STK3: variants seen among roughly 807,000 people sequenced by gnomAD.
STK3 encodes serine/threonine kinase 3.
In STK3, 41 loss-of-function variants were observed where a neutral mutation model predicts 58.0. The observed-to-expected ratio is 0.71, with a 90% confidence interval of 0.55 to 0.92. The LOEUF is 0.92. STK3 is among the 40% of genes least tolerant of loss of function. STK3 has a pLI of 0.00. For synonymous variants in STK3, 170 were observed against 191.0 expected (o/e 0.89, Z 0.91); for missense variants, 479 against 602.7 (o/e 0.79, Z 2.15).
At chr8:98,868,998 A>AAGAGAG (rs1209772858) in intron 3 of STK3, among the ~76,000 whole-genome samples, 5 of 145,266 alleles carry the variant, frequency 3.4e-5, no homozygotes, top group Non-Finnish European at 7.5e-5. Flanking sequence ...AGAAAGAAGA[A>AAGAGAG]AGAGAGAGAG....
intron 4 of STK3, among the ~76,000 whole-genome samples, chr8:98,734,438 A>G (rs1828426004): frequency 6.6e-6 from 1 of 152,218 alleles, no homozygotes; most frequent in Admixed American, 6.5e-5. Flanking sequence ...AGGTTGAATG[A>G]AAACAAGTAG....
chr8:98,402,747 A>G (rs1157163371), intron 3 of STK3, among the ~76,000 whole-genome samples: 2 of 152,190 alleles, frequency 1.3e-5, no homozygotes, highest in Non-Finnish European at 2.9e-5. Context: ...TTGTTCCCTC[A>G]GCCCTAGAAG....
chr8:98,739,104 G>A lies in STK3; in HGVS notation c.351+10172C>T, dbSNP rs561931037. ...AGCAGCCGGGAAGCTCCAACTGGGT[G>A]GAGCCCACCACAGCTCAAGGAGGCC... On this transcript the variant is annotated intron_variant, in intron 4 of 10. Coordinates refer to ENST00000419617, the MANE Select transcript of STK3 (RefSeq NM_006281.4). 1.7e-3 allele frequency among the ~76,000 whole-genome samples: 265 copies of A among 152,358 alleles called. 1 individual carries two copies. The highest frequency in any genetic ancestry group is 5.9e-3 in the African/African-American group (245 of 41,586).
At chr8:98,577,719 C>T (rs888666207) in intron 8 of STK3, among the ~76,000 whole-genome samples, 3 of 151,986 alleles carry the variant, frequency 2.0e-5, no homozygotes, top group Admixed American at 6.5e-5. Flanking sequence ...CATAAGAAAC[C>T]CTGAGAATGA....
At chr8:98,910,353 T>C (rs993607499) in intron 1 of STK3, among the ~76,000 whole-genome samples, 1 of 152,224 alleles carries the variant, frequency 6.6e-6, no homozygotes, top group African/African-American at 2.4e-5. Flanking sequence ...GGATTAATTA[T>C]TGACTCCATA....
intron 1 of STK3, among the ~76,000 whole-genome samples, chr8:98,895,747 A>G (rs1361412846): frequency 6.6e-6 from 1 of 152,108 alleles, no homozygotes; most frequent in Non-Finnish European, 1.5e-5. Context: ...GATTGTGTTG[A>G]TCCTGGAATC....
In STK3 at chr8:98,687,316, C is replaced by T. The variant is rs74970667; in HGVS notation, c.684+19151G>A. ...ATGAAACTGTTCCACCTCAGTTCAT[C>T]AGGCATTAGTTAGAGTCTCATGAGG... On this transcript the variant is annotated intron_variant, in intron 6 of 10. Transcript: ENST00000419617. Among the ~76,000 whole-genome samples the T allele has an allele frequency of 4.1e-3, 618 of 152,308 alleles. 2 individuals are homozygous for T. The highest frequency in any genetic ancestry group is 6.3e-3 in the Non-Finnish European group (430 of 68,014).
intron 8 of STK3, among the ~76,000 whole-genome samples, chr8:98,552,711 G>T (rs1391517221): frequency 6.6e-6 from 1 of 151,962 alleles, no homozygotes; most frequent in Non-Finnish European, 1.5e-5. Context: ...TCTATATCTG[G>T]CCTTTACGAC....
chr8:98,872,698 T>A (rs1156755001), intron 3 of STK3, among the ~76,000 whole-genome samples: 2 of 152,190 alleles, frequency 1.3e-5, no homozygotes, highest in Non-Finnish European at 2.9e-5. Flanking sequence ...CTCTTTAACA[T>A]TTTTTATTGC....
rs186695708 is a variant in STK3, at chr8:98,557,873, C to T, written c.949-9712G>A. ...CATCAAAGCTTTCAGGATCTCCAAACGTCATAAAAGACTTATTCATCAGTA... is the reference window on the plus strand; with the variant it reads ...CATCAAAGCTTTCAGGATCTCCAAATGTCATAAAAGACTTATTCATCAGTA... On this transcript the variant is annotated intron_variant, in intron 8 of 10. Transcript: ENST00000419617. Among the ~76,000 whole-genome samples the T allele has an allele frequency of 3.2e-4, 48 of 152,128 alleles. No individual in the cohort carries two copies. The East Asian group carries it at 3.3e-3, about 10-fold the overall frequency.
Position 98,749,263 on chromosome 8 carries a change from TTAAAATACTTACTG to T in STK3, c.350_351+12del. 1 of 1,562,786 alleles carries T rather than the reference TTAAAATACTTACTG, an allele frequency of 6.4e-7. No individual in the cohort carries two copies. The highest frequency in any genetic ancestry group is 1.4e-5 in the African/African-American group (1 of 73,258). ...TAGAAATGATATTAGCAAAACAATT[TTAAAATACTTACTG>T]TCTTGTTTCGTAATCTAATTATGTC... On this transcript the variant is annotated splice_donor_variant and splice_donor_5th_base_variant and coding_sequence_variant and intron_variant, in exon 4 of 11. Coordinates refer to ENST00000419617, the MANE Select transcript of STK3 (RefSeq NM_006281.4). LOFTEE classifies it high-confidence loss of function.
At chr8:98,480,329 G>A (rs1821746709) in intron 10 of STK3, among the ~76,000 whole-genome samples, 1 of 152,092 alleles carries the variant, frequency 6.6e-6, no homozygotes, top group Non-Finnish European at 1.5e-5. Context: ...GCAACAATTG[G>A]AATCATCGGA....
intron 6 of STK3, among the ~76,000 whole-genome samples, chr8:98,617,645 C>A (rs1817874061): frequency 6.6e-6 from 1 of 151,896 alleles, no homozygotes; most frequent in Non-Finnish European, 1.5e-5. Flanking sequence ...CCACCGATCC[C>A]ACAGAAATAC....
chr8:98,933,855 C>G (rs956938221), intron 1 of STK3, among the ~76,000 whole-genome samples: 1 of 152,180 alleles, frequency 6.6e-6, no homozygotes, highest in Non-Finnish European at 1.5e-5. Flanking sequence ...GAGAATAGAG[C>G]CTGTAAGTAT....
chr8:98,689,783 G>GA (rs1024873011), intron 6 of STK3, among the ~76,000 whole-genome samples: 4 of 150,820 alleles, frequency 2.7e-5, no homozygotes, highest in South Asian at 2.1e-4. Flanking sequence ...CCTGTCTCAA[G>GA]AAAAAAAAAT....
chr8:98,650,276 A>G (rs1820775054), intron 6 of STK3, among the ~76,000 whole-genome samples: 1 of 152,292 alleles, frequency 6.6e-6, no homozygotes. Context: ...AATAATGATA[A>G]TAGAGGACAT....
intron 7 of STK3, among the ~76,000 whole-genome samples, chr8:98,583,191 A>G (rs1814084016): frequency 6.6e-6 from 1 of 152,168 alleles, no homozygotes; most frequent in Non-Finnish European, 1.5e-5. Context: ...TTACTACAAC[A>G]ATAACAAAAA....
At chr8:98,858,773 T>C (rs1158488045) in intron 3 of STK3, among the ~76,000 whole-genome samples, 1 of 151,724 alleles carries the variant, frequency 6.6e-6, no homozygotes, top group Non-Finnish European at 1.5e-5. Flanking sequence ...ATGCCTGTAG[T>C]CCCAGCTACT....
At chr8:98,508,587 AAAC>A (rs1824266059) in intron 10 of STK3, among the ~76,000 whole-genome samples, 1 of 152,214 alleles carries the variant, frequency 6.6e-6, no homozygotes, top group African/African-American at 2.4e-5. Flanking sequence ...TATATGTACT[AAAC>A]AACCATTGAA....
Sources: gnomAD v4.1 joint callset for allele counts (sites outside exome capture counted in the v4.1 genomes callset) on GRCh38, gnomAD v4.1.1 for gene constraint, MANE v1.5 for transcripts, NCBI Gene and HGNC (gene_info 2026-07-23, HGNC 2026-07-21) for gene names.